The following TAOK3 variants were observed in gnomAD, a reference collection of about 807,000 sequenced individuals.
TAOK3 encodes the protein TAO kinase 3, also known as serine/threonine-protein kinase TAO3.
In TAOK3, 40 loss-of-function variants were observed where a neutral mutation model predicts 120.4. That is an observed-to-expected ratio of 0.33 (90% CI 0.26 to 0.43). The LOEUF (loss-of-function observed/expected upper bound fraction) is 0.43, where lower values mean the gene tolerates loss of function less well. Ranked by LOEUF, TAOK3 falls within the 20% of genes least tolerant of loss-of-function variation. The pLI, the probability that TAOK3 is intolerant of heterozygous loss-of-function variation, is 1.00. For synonymous variants in TAOK3, 355 were observed against 387.5 expected, an observed-to-expected ratio of 0.92 and a Z score of 0.99; for missense variants, 821 against 1,112.1, an observed-to-expected ratio of 0.74 and a Z score of 3.72.
chr12:118,196,094 T>TAAAA lies in TAOK3; in HGVS notation c.1194+2953_1194+2956dup, dbSNP rs1555219003. ...ATAAATAAATAAATAAATAAATAAA[T>TAAAA]AAAAGGAAGTTTGGATTAGGATCCC... On this transcript the variant is annotated intron_variant, in intron 13 of 20. Transcript: ENST00000392533. Among the ~76,000 whole-genome samples the TAAAA allele has an allele frequency of 5.5e-3, 807 of 146,052 alleles. 4 individuals are homozygous for TAAAA. Among genetic ancestry groups the TAAAA allele is most frequent in the African/African-American group, 0.018 (727 of 39,874 alleles).
At chr12:118,204,890 G>A (rs1026861505) in intron 11 of TAOK3, among the ~76,000 whole-genome samples, 3 of 152,122 alleles carry the variant, frequency 2.0e-5, no homozygotes, top group African/African-American at 4.8e-5. Context: ...ATTAGGGACC[G>A]GGCATGGTGG....
chr12:118,228,094 T>A (rs916709576), intron 9 of TAOK3, among the ~76,000 whole-genome samples: 10 of 152,106 alleles, frequency 6.6e-5, no homozygotes, highest in Admixed American at 6.6e-5. Context: ...CTCCAGTGTT[T>A]ACTGTTCTAG....
intron 1 of TAOK3, among the ~76,000 whole-genome samples, chr12:118,338,813 A>AG (rs2044478514): frequency 6.7e-6 from 1 of 148,954 alleles, no homozygotes; most frequent in African/African-American, 2.5e-5. Context: ...AAAAAAAAAA[A>AG]AGAGAAAACG....
At chr12:118,242,900 A>AGT (rs750085407) in intron 5 of TAOK3, among the ~76,000 whole-genome samples, 2 of 150,940 alleles carry the variant, frequency 1.3e-5, no homozygotes, top group South Asian at 4.2e-4. Context: ...TATATATATG[A>AGT]GTGTGTGTGT....
chr12:118,311,183 G>A (rs1186160907), intron 1 of TAOK3, among the ~76,000 whole-genome samples: 1 of 152,086 alleles, frequency 6.6e-6, no homozygotes, highest in Non-Finnish European at 1.5e-5. Context: ...AATAGGGGCC[G>A]GGCATGGTGG....
intron 1 of TAOK3, among the ~76,000 whole-genome samples, chr12:118,361,913 A>AT (rs1190269080): frequency 2.1e-5 from 3 of 143,134 alleles, no homozygotes; most frequent in Non-Finnish European, 4.5e-5. Context: ...ACTATTAATA[A>AT]AAATAATAAT....
chr12:118,170,173 G>GTTTT (rs34175555), intron 17 of TAOK3, among the ~76,000 whole-genome samples: 2 of 149,952 alleles, frequency 1.3e-5, no homozygotes, highest in Admixed American at 6.6e-5. Flanking sequence ...TTCTCAAGCA[G>GTTTT]TTTTTTTTTT....
intron 1 of TAOK3, among the ~76,000 whole-genome samples, chr12:118,342,958 AGAG>A (rs1419627431): frequency 4.9e-5 from 6 of 122,134 alleles, no homozygotes; most frequent in African/African-American, 8.8e-5. Flanking sequence ...AAAAAAAAAA[AGAG>A]AGAGAGAGAG....
At chr12:118,213,936 A>T in intron 10 of TAOK3, 81 bp downstream of exon 10, 1 of 1,224,830 alleles carries the variant, frequency 8.2e-7, no homozygotes, top group Non-Finnish European at 1.2e-6. Flanking sequence ...TCTAGGTCAG[A>T]TATTTAAAAT....
At chr12:118,254,845 C>T (rs1208497278) in intron 3 of TAOK3, among the ~76,000 whole-genome samples, 2 of 152,162 alleles carry the variant, frequency 1.3e-5, no homozygotes, top group Non-Finnish European at 2.9e-5. Flanking sequence ...GCAAGCTCCA[C>T]CTCCCTGGTT....
At chr12:118,316,493 C>T (rs1314245229) in intron 1 of TAOK3, among the ~76,000 whole-genome samples, 7 of 152,112 alleles carry the variant, frequency 4.6e-5, no homozygotes, top group African/African-American at 1.2e-4. Context: ...TGTGCAATCT[C>T]GGATCACTGC....
chr12:118,357,157 A>G (rs982056018), intron 1 of TAOK3, among the ~76,000 whole-genome samples: 1 of 152,230 alleles, frequency 6.6e-6, no homozygotes, highest in East Asian at 1.9e-4. Context: ...CAGAGATGTC[A>G]TATTTCCTTC....
chr12:118,357,320 C>T (rs573182629), intron 1 of TAOK3, among the ~76,000 whole-genome samples: 191 of 152,314 alleles, frequency 1.3e-3, no homozygotes, highest in Admixed American at 2.2e-3. Flanking sequence ...GACATCCTTA[C>T]GTTTTTAACT....
At chr12:118,274,979 C>T (rs2041856077) in intron 1 of TAOK3, among the ~76,000 whole-genome samples, 1 of 152,014 alleles carries the variant, frequency 6.6e-6, no homozygotes, top group African/African-American at 2.4e-5. Flanking sequence ...TATGCATCTA[C>T]TTCAGAAAAA....
At chr12:118,246,227 C>T (rs1483191431) in intron 3 of TAOK3, 3 of 1,454,246 alleles carry the variant, frequency 2.1e-6, no homozygotes, top group Non-Finnish European at 1.9e-6. Flanking sequence ...GCCGAGGCCG[C>T]GGAGCTCGCG....
At chr12:118,158,245 T>A (rs2034974107) in intron 19 of TAOK3, among the ~76,000 whole-genome samples, 1 of 152,238 alleles carries the variant, frequency 6.6e-6, no homozygotes, top group African/African-American at 2.4e-5. Context: ...TCTACCAGAC[T>A]CTGTCCTTAG....
At chr12:118,361,928 A>AT (rs1555262729) in intron 1 of TAOK3, among the ~76,000 whole-genome samples, 4,889 of 152,128 alleles carry the variant, frequency 0.032, 276 homozygotes, top group East Asian at 0.25. Context: ...AATAATAATA[A>AT]AAAAACATGC....
chr12:118,177,439 T>C lies in TAOK3; in HGVS notation c.1567-110A>G, dbSNP rs894510893. ...GTCCATGAGTGCTAATAATGAGACA[T>C]TTTTGAACAAATATTAAAAAATAAT... On this transcript the variant is annotated intron_variant, in intron 15 of 20. Coordinates refer to ENST00000392533, the MANE Select transcript of TAOK3 (RefSeq NM_016281.4). 7.1e-6 allele frequency: 5 copies of C among 706,696 alleles called. No homozygotes were observed. In the East Asian group the frequency reaches 1.5e-4, roughly 21 times the overall value. The allele number at this position is 706,696 out of a possible 1,614,324, so 43.8% of individuals were successfully genotyped here.
chr12:118,347,177 T>A (rs77333296), intron 1 of TAOK3, among the ~76,000 whole-genome samples: 6,908 of 152,016 alleles, frequency 0.045, 345 homozygotes, highest in East Asian at 0.25. Context: ...CTAATTTTTT[T>A]AAAAAAATTA....
Sources: allele counts gnomAD v4.1 joint callset (sites outside exome capture counted in the v4.1 genomes callset), GRCh38; gene constraint gnomAD v4.1.1; transcripts MANE v1.5; gene names NCBI Gene and HGNC (gene_info 2026-07-23, HGNC 2026-07-21).